Variants in ARHGEF3 observed in about 807,000 individuals in gnomAD.
The protein encoded by ARHGEF3 is 59.8 kDA protein.
In ARHGEF3, 28 loss-of-function variants were observed where a neutral mutation model predicts 63.2. The observed-to-expected ratio is 0.44, with a 90% CI of 0.33 to 0.61. The LOEUF is 0.61. ARHGEF3 is among the 20% of genes least tolerant of loss of function. The pLI is 0.03. For missense variants in ARHGEF3, 533 were observed against 659.3 expected (o/e 0.81, Z 2.10); for synonymous variants, 266 against 254.2 (o/e 1.05, Z -0.44).
intron 3 of ARHGEF3, among the ~76,000 whole-genome samples, chr3:56,956,028 C>T (rs1232836511): frequency 6.6e-6 from 1 of 152,170 alleles, no homozygotes; most frequent in Non-Finnish European, 1.5e-5. Flanking sequence ...CCTCAGGGCC[C>T]AGAAGAAATC....
chr3:56,801,810 G>A lies in ARHGEF3; in HGVS notation c.-12C>T. The A allele has an allele frequency of 3.9e-6, 6 of 1,555,952 alleles. No individual in the cohort carries two copies. Among genetic ancestry groups the A allele is most frequent in the Non-Finnish European group, 5.2e-6 (6 of 1,148,898 alleles). ...TCCTTGGCCACCATGGCGGCTGCCG[G>A]GCCTGCCCTTTGGGATGTCACCGCT... On this transcript the variant is annotated 5_prime_UTR_variant, in exon 1 of 10. Transcript: ENST00000296315.
chr3:57,051,444 G>A (rs930835147), intron 1 of ARHGEF3, among the ~76,000 whole-genome samples: 8 of 151,920 alleles, frequency 5.3e-5, no homozygotes, highest in African/African-American at 1.2e-4. Context: ...CCAAGATTGC[G>A]CCACTGCATT....
At position 56,838,852 on chromosome 3, in the gene ARHGEF3, G is replaced by T. The variant is rs1875285; in HGVS notation, c.192+43440C>A. Among the ~76,000 whole-genome samples the T allele has an allele frequency of 4.0e-3, 602 of 152,224 alleles. 6 individuals are homozygous for T. The highest frequency in any genetic ancestry group is 0.013 in the African/African-American group (545 of 41,528). On this transcript the variant is annotated intron_variant, in intron 4 of 12. Coordinates refer to the ARHGEF3 transcript ENST00000338458. ...AAACGATAATTTGTATAACCTGGCC[G>T]GGTGCAGTGGCTCATGCCTCTAATC... is the stretch of plus-strand genomic sequence containing the variant.
rs146241121 is a variant in ARHGEF3 at position 56,753,073 on chromosome 3, A to G, written c.438+431T>C. 8.5e-5 allele frequency among the ~76,000 whole-genome samples: 13 copies of G among 152,262 alleles called. No homozygotes were observed. The East Asian group carries it at 2.3e-3, about 27-fold the overall frequency. On this transcript the variant is annotated intron_variant, in intron 4 of 9. Transcript: ENST00000296315. Reference sequence around the variant, plus strand: ...ACAAATTCCTATATAAAAGACCCCAACTTATATGATAGTATGCAATTGCCT... The same window carrying G: ...ACAAATTCCTATATAAAAGACCCCAGCTTATATGATAGTATGCAATTGCCT...
At chr3:56,809,520 G>A (rs1289189884) in intron 4 of ARHGEF3, among the ~76,000 whole-genome samples, 3 of 152,108 alleles carry the variant, frequency 2.0e-5, no homozygotes, top group African/African-American at 7.2e-5. Flanking sequence ...CTGTCTCACT[G>A]AAGATTTTGC....
At chr3:56,856,800 G>A (rs753461304) in intron 4 of ARHGEF3, among the ~76,000 whole-genome samples, 38 of 150,420 alleles carry the variant, frequency 2.5e-4, no homozygotes, top group Non-Finnish European at 4.7e-4. Context: ...AAATCTAGAG[G>A]CTTTCCAGAG....
intron 2 of ARHGEF3, among the ~76,000 whole-genome samples, chr3:56,756,594 G>A (rs904132011): frequency 2.1e-4 from 30 of 141,288 alleles, no homozygotes; most frequent in African/African-American, 5.4e-4. Context: ...CTGTCGCCCA[G>A]GCTGGAGTAC....
At chr3:56,801,983 G>A (rs2037682257), upstream of ARHGEF3, 1 of 1,257,470 alleles carries the variant, frequency 8.0e-7, no homozygotes, top group African/African-American at 1.5e-5. Flanking sequence ...GACCGTGCCA[G>A]CCACGCCTTG....
intron 1 of ARHGEF3, among the ~76,000 whole-genome samples, chr3:56,798,080 G>A (rs904305868): frequency 2.6e-5 from 4 of 152,206 alleles, no homozygotes; most frequent in African/African-American, 9.7e-5. Flanking sequence ...GGGGTCTCAA[G>A]TGAGACACTA....
At chr3:57,067,072 C>T (rs1249980595) in intron 1 of ARHGEF3, among the ~76,000 whole-genome samples, 2 of 152,172 alleles carry the variant, frequency 1.3e-5, no homozygotes, top group African/African-American at 4.8e-5. Context: ...CTGTAAGGAC[C>T]TGTACTTGCA....
chr3:57,074,290 T>C, intron 1 of ARHGEF3: 1 of 1,589,822 alleles, frequency 6.3e-7, no homozygotes, highest in Non-Finnish European at 8.6e-7. Context: ...CTGCAACATC[T>C]GAGAGTCTGG....
At chr3:56,989,728 C>T (rs1701676341) in intron 2 of ARHGEF3, among the ~76,000 whole-genome samples, 1 of 152,220 alleles carries the variant, frequency 6.6e-6, no homozygotes, top group African/African-American at 2.4e-5. Context: ...CTGCCCCACT[C>T]CCTAGGAACA....
intron 4 of ARHGEF3, among the ~76,000 whole-genome samples, chr3:56,865,588 G>A (rs1015941183): frequency 5.9e-5 from 9 of 152,198 alleles, no homozygotes; most frequent in Non-Finnish European, 1.0e-4. Flanking sequence ...CTCTATGGAA[G>A]TTAGTAAATT....
chr3:56,762,622 C>A (rs1329366954), intron 2 of ARHGEF3, among the ~76,000 whole-genome samples: 1 of 152,176 alleles, frequency 6.6e-6, no homozygotes, highest in Non-Finnish European at 1.5e-5. Flanking sequence ...TTTCCAAAAA[C>A]CATTTTCCAC....
intron 2 of ARHGEF3, among the ~76,000 whole-genome samples, chr3:56,963,542 C>A (rs76413611): frequency 6.6e-6 from 1 of 152,206 alleles, no homozygotes; most frequent in Non-Finnish European, 1.5e-5. Context: ...CTACCACCTT[C>A]GTCAGCAAGT....
At chr3:56,873,217 A>C (rs896292750) in intron 4 of ARHGEF3, among the ~76,000 whole-genome samples, 1 of 61,970 alleles carries the variant, frequency 1.6e-5, no homozygotes, top group African/African-American at 5.1e-5. Flanking sequence ...CTTTTGTGCT[A>C]TGTTTGTTTT....
chr3:56,934,666 C>T (rs62251093), intron 3 of ARHGEF3, among the ~76,000 whole-genome samples: 8 of 152,172 alleles, frequency 5.3e-5, no homozygotes, highest in South Asian at 2.1e-4. Flanking sequence ...ACCAGCGCTG[C>T]GCTCGATTTC....
At chr3:56,741,082 A>G (rs1311694041) in intron 7 of ARHGEF3, among the ~76,000 whole-genome samples, 1 of 152,052 alleles carries the variant, frequency 6.6e-6, no homozygotes, top group Non-Finnish European at 1.5e-5. Context: ...ATGTATATAC[A>G]TTTATAATAG....
chr3:57,072,646 G>T (rs1256949220), intron 1 of ARHGEF3, among the ~76,000 whole-genome samples: 2 of 150,890 alleles, frequency 1.3e-5, no homozygotes, highest in Non-Finnish European at 1.5e-5. Context: ...GGAGGCTGAG[G>T]CATGAGAATC....
Sources: allele counts gnomAD v4.1 joint callset (sites outside exome capture counted in the v4.1 genomes callset), GRCh38; gene constraint gnomAD v4.1.1; transcripts MANE v1.5; gene names NCBI Gene and HGNC (gene_info 2026-07-23, HGNC 2026-07-21).